CDC123: variants seen among roughly 807,000 people sequenced by gnomAD.
The protein encoded by CDC123 is cell division cycle 123.
In CDC123, 37 loss-of-function variants were observed where a neutral mutation model predicts 54.4. The observed-to-expected ratio is 0.68, with a 90% CI of 0.52 to 0.89. The LOEUF (loss-of-function observed/expected upper bound fraction) is 0.89, where lower values mean the gene tolerates loss of function less well. Ranked by LOEUF, CDC123 falls within the 40% of genes least tolerant of loss-of-function variation. The pLI, the probability that CDC123 is intolerant of heterozygous loss-of-function variation, is 0.00. For missense variants in CDC123, 361 were observed against 412.1 expected (o/e 0.88, Z 1.07); for synonymous variants, 144 against 136.8 (o/e 1.05, Z -0.37).
At chr10:12,246,350 A>C in intron 11 of CDC123, 73 bp downstream of exon 11, 1 of 1,557,256 alleles carries the variant, frequency 6.4e-7, no homozygotes, top group Non-Finnish European at 8.8e-7. Flanking sequence ...CTTCAGACGC[A>C]TAGGTAGGCG....
chr10:12,209,261 G>A (rs948547090), intron 2 of CDC123, among the ~76,000 whole-genome samples: 14 of 151,848 alleles, frequency 9.2e-5, no homozygotes, highest in African/African-American at 3.1e-4. Flanking sequence ...TTTTGAGACG[G>A]GGTCTCACTC....
At chr10:12,226,064 G>T (rs1402174743) in intron 6 of CDC123, among the ~76,000 whole-genome samples, 1 of 152,044 alleles carries the variant, frequency 6.6e-6, no homozygotes, top group African/African-American at 2.4e-5. Context: ...GTTTCAGAGA[G>T]CACGGGGTTG....
chr10:12,246,271 A>G lies in CDC123; in HGVS notation c.840A>G (p.Gln280=). ...GCGATTTTAGTGAAGTTGACGCTCA[A>G]GAGCAGGTACAACATTTTTAAGACA... The part of the protein sequence containing the change: ...LNGDFSEVDA[Q]EQDSPAFRCT... The change falls in exon 11 of 13, where the codon CAA becomes CAG. Residue 280 remains glutamine (Q), a synonymous_variant. Coordinates refer to ENST00000281141, the MANE Select transcript of CDC123 (RefSeq NM_006023.3). 1 of 1,614,160 alleles carries G rather than the reference A, an allele frequency of 6.2e-7. No homozygotes were observed. The highest frequency in any genetic ancestry group is 8.5e-7 in the Non-Finnish European group (1 of 1,180,010).
intron 5 of CDC123, 54 bp downstream of exon 5, chr10:12,215,889 T>G (rs749796370): frequency 2.1e-5 from 25 of 1,198,274 alleles, no homozygotes; most frequent in Non-Finnish European, 2.8e-5. Context: ...GTTTTGCTGT[T>G]TATTTCATTT....
chr10:12,214,993 T>C (rs752974484), intron 4 of CDC123, among the ~76,000 whole-genome samples: 26 of 152,194 alleles, frequency 1.7e-4, no homozygotes, highest in African/African-American at 2.7e-4. Context: ...TTCTTTCTTA[T>C]GTCCATAAGC....
chr10:12,210,973 A>G (rs1301994817), intron 4 of CDC123, among the ~76,000 whole-genome samples: 1 of 152,158 alleles, frequency 6.6e-6, no homozygotes, highest in African/African-American at 2.4e-5. Context: ...AAGTCCTGAG[A>G]TTACAGTTCT....
At chr10:12,199,455 A>G (rs1015609447) in intron 2 of CDC123, among the ~76,000 whole-genome samples, 3 of 152,122 alleles carry the variant, frequency 2.0e-5, no homozygotes, top group Admixed American at 6.5e-5. Flanking sequence ...CCACCTGACA[A>G]TTGTTAATTG....
chr10:12,210,592 C>G (rs542511162), intron 4 of CDC123, among the ~76,000 whole-genome samples: 4 of 152,186 alleles, frequency 2.6e-5, no homozygotes, highest in Non-Finnish European at 5.9e-5. Flanking sequence ...TGACTCTCTG[C>G]AAGAAGGAAT....
At chr10:12,222,959 G>T (rs904194216) in intron 6 of CDC123, among the ~76,000 whole-genome samples, 1 of 150,158 alleles carries the variant, frequency 6.7e-6, no homozygotes, top group Non-Finnish European at 1.5e-5. Flanking sequence ...TGGCGTGATC[G>T]TGGCTCACTG....
intron 6 of CDC123, among the ~76,000 whole-genome samples, chr10:12,219,843 G>T (rs183549170): frequency 2.0e-5 from 3 of 152,132 alleles, no homozygotes; most frequent in South Asian, 2.1e-4. Context: ...TGGCTACCAC[G>T]CCCAGCTAAT....
At chr10:12,203,146 A>G (rs1054354521) in intron 2 of CDC123, among the ~76,000 whole-genome samples, 5 of 152,254 alleles carry the variant, frequency 3.3e-5, no homozygotes, top group Non-Finnish European at 7.3e-5. Context: ...CAGAAGCTCC[A>G]TGTGTTCAGC....
intron 2 of CDC123, among the ~76,000 whole-genome samples, chr10:12,205,547 C>T (rs1835507681): frequency 6.6e-6 from 1 of 152,194 alleles, no homozygotes; most frequent in Non-Finnish European, 1.5e-5. Context: ...TGATTCTTCA[C>T]AATTCTGTGA....
chr10:12,248,932 A>G (rs147813720), intron 11 of CDC123, among the ~76,000 whole-genome samples: 5,707 of 152,148 alleles, frequency 0.038, 127 homozygotes, highest in African/African-American at 0.04. Flanking sequence ...CAACATAGTG[A>G]AATCCCTATC....
chr10:12,249,531 GCCTAA>G, intron 11 of CDC123, 45 bp from the exon 12 acceptor site: 1 of 1,572,172 alleles, frequency 6.4e-7, no homozygotes, highest in Non-Finnish European at 8.7e-7. Flanking sequence ...CACAGAATAG[GCCTAA>G]AAATAAATGA....
chr10:12,250,562 C>G lies in CDC123; in HGVS notation c.*225C>G, dbSNP rs1836227751. On this transcript the variant is annotated 3_prime_UTR_variant, in exon 13 of 13. Transcript: ENST00000281141. ...TTAAACATAGGAAAACCATACTGTT[C>G]TGATAATAAAATGCTTTCTATGAAA... is the stretch of plus-strand genomic sequence containing the variant. 2.0e-6 allele frequency: 1 copy of G among 490,448 alleles called. No individual in the cohort carries two copies. The highest frequency in any genetic ancestry group is 2.0e-5 in the African/African-American group (1 of 49,578). 30.4% of individuals were successfully genotyped at this position (490,448 alleles called of 1,614,324 possible). A position where few individuals can be genotyped will look rare whatever the true frequency, so the allele number is the denominator to read the frequency against.
chr10:12,228,582 T>C (rs1011859183), intron 6 of CDC123, among the ~76,000 whole-genome samples: 1 of 152,138 alleles, frequency 6.6e-6, no homozygotes, highest in African/African-American at 2.4e-5. Context: ...ATGTTTTTCT[T>C]TTTTTGAGAT....
Position 12,237,481 on chromosome 10 carries a change from C to G in CDC123, c.688+215C>G, listed in dbSNP as rs141026437. ...AGACAGTCTTACTCTGTCAGCCAGG[C>G]TGGAGTGCAGTGGTGCGATCGCGGC... On this transcript the variant is annotated intron_variant, in intron 9 of 12. Transcript: ENST00000281141. The G allele has an allele frequency of 9.9e-4, 291 of 294,560 alleles. 3 individuals are homozygous for G. Among genetic ancestry groups the G allele is most frequent in the African/African-American group, 6.0e-3 (269 of 44,972 alleles). 18.2% of individuals were successfully genotyped at this position (294,560 alleles called of 1,614,324 possible). A position where few individuals can be genotyped will look rare whatever the true frequency, so the allele number is the denominator to read the frequency against.
At chr10:12,239,732 G>A (rs1836031069) in intron 10 of CDC123, among the ~76,000 whole-genome samples, 2 of 149,854 alleles carry the variant, frequency 1.3e-5, no homozygotes, top group Admixed American at 1.3e-4. Context: ...AAAGGGGCCG[G>A]GCGCGGTGGC....
intron 4 of CDC123, among the ~76,000 whole-genome samples, chr10:12,214,638 A>C (rs774815961): frequency 2.6e-5 from 4 of 152,066 alleles, no homozygotes; most frequent in Admixed American, 1.3e-4. Context: ...GTTTTGGGGG[A>C]TATATGACCA....
Sources: allele counts gnomAD v4.1 joint callset (sites outside exome capture counted in the v4.1 genomes callset), GRCh38; gene constraint gnomAD v4.1.1; transcripts MANE v1.5; gene names NCBI Gene and HGNC (gene_info 2026-07-23, HGNC 2026-07-21).